LGR4: variants seen among roughly 807,000 people sequenced by gnomAD.
LGR4 encodes the protein leucine-rich repeat-containing G protein-coupled receptor 4.
In LGR4, 44 loss-of-function variants were observed where a neutral mutation model predicts 84.8. That is an observed-to-expected ratio of 0.52 (90% CI 0.41 to 0.67). The LOEUF is 0.67. LGR4 is among the 30% of genes least tolerant of loss of function. LGR4 has a pLI of 0.00. For missense variants in LGR4, 1,032 were observed against 1,131.4 expected, an observed-to-expected ratio of 0.91 and a Z score of 1.26; for synonymous variants, 429 against 434.3, an observed-to-expected ratio of 0.99 and a Z score of 0.15.
chr11:27,451,747 C>T (rs1864483172), intron 1 of LGR4, among the ~76,000 whole-genome samples: 1 of 152,152 alleles, frequency 6.6e-6, no homozygotes, highest in South Asian at 2.1e-4. Context: ...ACTGAATCAT[C>T]AGAAGTAAAA....
rs1431640326 is a variant in LGR4 at position 27,372,311 on chromosome 11, G to C, written c.1467C>G (p.Leu489=). Reference sequence around the variant, plus strand: ...TCTCCTGTGCCACACTGTGGTCCTGGAGGCTGTTATCTTCTGTGTTTAAAT... The same window carrying C: ...TCTCCTGTGCCACACTGTGGTCCTGCAGGCTGTTATCTTCTGTGTTTAAAT... The part of the protein sequence containing the change: ...YANLNTEDNS[L]QDHSVAQEKG... Residue 489 remains leucine, a synonymous_variant, in exon 16 of 18, where the codon CTC becomes CTG. Coordinates refer to ENST00000379214, the MANE Select transcript of LGR4 (RefSeq NM_018490.5). 1 of 1,612,710 alleles carries C rather than the reference G, an allele frequency of 6.2e-7. No individual in the cohort carries two copies.
intron 1 of LGR4, among the ~76,000 whole-genome samples, chr11:27,460,456 C>T (rs1864660744): frequency 6.6e-6 from 1 of 152,206 alleles, no homozygotes; most frequent in South Asian, 2.1e-4. Flanking sequence ...GAGCAATACC[C>T]AAATCCCCTG....
At chr11:27,400,169 C>T (rs1396669453) in intron 2 of LGR4, among the ~76,000 whole-genome samples, 1 of 152,068 alleles carries the variant, frequency 6.6e-6, no homozygotes, top group African/African-American at 2.4e-5. Flanking sequence ...TTCAGATATT[C>T]AGATTTAGGA....
chr11:27,367,815 T>C lies in LGR4; in HGVS notation c.*52A>G, dbSNP rs371540702. ...GATGAAAGATGAGAATAGGGTTCACTCTATAAACACTGATTTTGGTTGACG... is the reference window on the plus strand; with the variant it reads ...GATGAAAGATGAGAATAGGGTTCACCCTATAAACACTGATTTTGGTTGACG... On this transcript the variant is annotated 3_prime_UTR_variant, in exon 18 of 18. Coordinates refer to ENST00000379214, the MANE Select transcript of LGR4 (RefSeq NM_018490.5). The C allele has an allele frequency of 1.9e-5, 25 of 1,345,378 alleles. No homozygotes were observed. In the African/African-American group the frequency reaches 3.2e-4, roughly 17 times the overall value. 83.3% of individuals were successfully genotyped at this position (1,345,378 alleles called of 1,614,324 possible).
intron 1 of LGR4, among the ~76,000 whole-genome samples, chr11:27,449,575 C>T (rs529798461): frequency 6.6e-6 from 1 of 150,674 alleles, no homozygotes; most frequent in African/African-American, 2.4e-5. Context: ...AAGTGAGATG[C>T]TGTCTCTTAA....
intron 2 of LGR4, among the ~76,000 whole-genome samples, chr11:27,409,088 GA>G (rs1034878972): frequency 1.8e-4 from 27 of 151,946 alleles, no homozygotes; most frequent in African/African-American, 6.0e-4. Flanking sequence ...AAAGAAGGAG[GA>G]AAAAAAGTAG....
rs1199369173 is a variant in LGR4, at chr11:27,472,774, C to A, written c.-472G>T. ...CAATCTCTTCCCGTCCTTTTCCCTTCTAGGGTTGCACGCTCTGGTTCCCAA... is the reference window on the plus strand; with the variant it reads ...CAATCTCTTCCCGTCCTTTTCCCTTATAGGGTTGCACGCTCTGGTTCCCAA... On this transcript the variant is annotated 5_prime_UTR_variant, in exon 1 of 18. Transcript: ENST00000379214. The A allele has an allele frequency of 6.0e-6, 2 of 333,598 alleles. No homozygotes were observed. Among genetic ancestry groups the A allele is most frequent in the Non-Finnish European group, 1.1e-5 (2 of 184,952 alleles). 20.7% of individuals were successfully genotyped at this position (333,598 alleles called of 1,614,324 possible).
chr11:27,400,869 G>C (rs980332260), intron 2 of LGR4, among the ~76,000 whole-genome samples: 11 of 152,124 alleles, frequency 7.2e-5, no homozygotes, highest in Non-Finnish European at 7.3e-5. Flanking sequence ...TGAATAAAGA[G>C]GGCTAACAAC....
chr11:27,411,114 C>T (rs1806521397), intron 2 of LGR4, among the ~76,000 whole-genome samples: 1 of 152,042 alleles, frequency 6.6e-6, no homozygotes, highest in Admixed American at 6.6e-5. Flanking sequence ...CATTGCTGGC[C>T]TGGTACATTA....
intron 1 of LGR4, among the ~76,000 whole-genome samples, chr11:27,465,923 T>C (rs1181125801): frequency 6.6e-6 from 1 of 152,142 alleles, no homozygotes; most frequent in Admixed American, 6.5e-5. Context: ...TCAATCAAGC[T>C]TTTAAAAAAC....
At chr11:27,415,447 AACATGCACACAC>A (rs1863797291) in intron 1 of LGR4, among the ~76,000 whole-genome samples, 1 of 152,144 alleles carries the variant, frequency 6.6e-6, no homozygotes, top group Admixed American at 6.6e-5. Flanking sequence ...AGTTTTTTAA[AACATGCACACAC>A]ACACGCACAG....
chr11:27,379,016 G>C, intron 10 of LGR4: 1 of 486,726 alleles, frequency 2.1e-6, no homozygotes, highest in Non-Finnish European at 3.6e-6. Flanking sequence ...TTCCCACATG[G>C]ACCAGGAGGA....
chr11:27,450,174 C>T (rs540921350), intron 1 of LGR4, among the ~76,000 whole-genome samples: 29 of 152,184 alleles, frequency 1.9e-4, no homozygotes, highest in Admixed American at 1.8e-3. Context: ...TTAAGGACAA[C>T]GGAAGGGACA....
chr11:27,451,374 G>C (rs1235611604), intron 1 of LGR4, among the ~76,000 whole-genome samples: 1 of 152,166 alleles, frequency 6.6e-6, no homozygotes, highest in Non-Finnish European at 1.5e-5. Flanking sequence ...TGCTGAGCTT[G>C]GAATTGCTTA....
At chr11:27,417,631 T>C (rs763131107) in intron 1 of LGR4, among the ~76,000 whole-genome samples, 3 of 152,162 alleles carry the variant, frequency 2.0e-5, no homozygotes, top group Non-Finnish European at 4.4e-5. Context: ...CACCTTTTTA[T>C]GATAACAAAA....
chr11:27,461,447 G>T (rs1864679156), intron 1 of LGR4, among the ~76,000 whole-genome samples: 2 of 151,894 alleles, frequency 1.3e-5, no homozygotes, highest in African/African-American at 4.8e-5. Context: ...CATATTTCTA[G>T]AACCAAAGTG....
intron 2 of LGR4, among the ~76,000 whole-genome samples, chr11:27,406,980 C>T (rs1030513472): frequency 6.6e-6 from 1 of 151,986 alleles, no homozygotes; most frequent in Non-Finnish European, 1.5e-5. Flanking sequence ...TCTGAACAAC[C>T]CAGGAAGACT....
At chr11:27,400,145 T>C (rs1477069379) in intron 2 of LGR4, among the ~76,000 whole-genome samples, 4 of 152,184 alleles carry the variant, frequency 2.6e-5, no homozygotes, top group Admixed American at 2.6e-4. Context: ...AAATGTTCAT[T>C]GGGTATTTTG....
At chr11:27,469,815 G>A (rs1864839334) in intron 1 of LGR4, among the ~76,000 whole-genome samples, 1 of 152,188 alleles carries the variant, frequency 6.6e-6, no homozygotes, top group Non-Finnish European at 1.5e-5. Flanking sequence ...AAGCTGCGAT[G>A]GGAGAGCAGA....
Sources: allele counts gnomAD v4.1 joint callset (sites outside exome capture counted in the v4.1 genomes callset), GRCh38; gene constraint gnomAD v4.1.1; transcripts MANE v1.5; gene names NCBI Gene and HGNC (gene_info 2026-07-23, HGNC 2026-07-21).